Variants in NAA25 observed in about 807,000 individuals in gnomAD.
NAA25 encodes N-alpha-acetyltransferase 25, NatB auxiliary subunit, also known as N-terminal acetyltransferase B complex subunit NAA25.
In NAA25, 30 loss-of-function variants were observed where a neutral mutation model predicts 132.5. The observed-to-expected ratio is 0.23, with a 90% CI of 0.17 to 0.31. The LOEUF is 0.31. Ranked by LOEUF, NAA25 falls within the 10% of genes least tolerant of loss-of-function variation. NAA25 has a pLI of 1.00. For missense variants in NAA25, 771 were observed against 1,150.4 expected, an observed-to-expected ratio of 0.67 and a Z score of 4.77; for synonymous variants, 359 against 401.9, an observed-to-expected ratio of 0.89 and a Z score of 1.28.
At chr12:112,030,550 T>C (rs994746527) in intron 23 of NAA25, among the ~76,000 whole-genome samples, 1 of 152,224 alleles carries the variant, frequency 6.6e-6, no homozygotes, top group Non-Finnish European at 1.5e-5. Context: ...ATATGAGTTA[T>C]TATTTGCTGG....
chr12:112,089,718 T>G (rs2079104230), intron 3 of NAA25, among the ~76,000 whole-genome samples: 1 of 151,940 alleles, frequency 6.6e-6, no homozygotes. Flanking sequence ...GGAGGCCAGG[T>G]GCACTTGGCT....
In NAA25 at chr12:112,029,355, A is replaced by G; in HGVS notation, c.*176T>C. On this transcript the variant is annotated 3_prime_UTR_variant, in exon 24 of 24. Coordinates refer to ENST00000261745, the MANE Select transcript of NAA25 (RefSeq NM_024953.4). ...AGGGTCCCGCTTCTGGTTTATATAC[A>G]ATAATTTAATCAGTTGTATATATTT... 1.0e-6 allele frequency: 1 copy of G among 1,003,068 alleles called. No individual in the cohort carries two copies. Among genetic ancestry groups the G allele is most frequent in the South Asian group, 1.8e-5 (1 of 54,866 alleles). The allele number at this position is 1,003,068 out of a possible 1,614,324, so 62.1% of individuals were successfully genotyped here. A position where few individuals can be genotyped will look rare whatever the true frequency, so the allele number is the denominator to read the frequency against.
rs2078119915 is a variant in NAA25, at chr12:112,029,332, G to C, written c.*199C>G. The C allele has an allele frequency of 1.3e-6, 1 of 758,614 alleles. No individual in the cohort carries two copies. The highest frequency in any genetic ancestry group is 2.0e-6 in the Non-Finnish European group (1 of 500,396). The allele number at this position is 758,614 out of a possible 1,614,324, so 47.0% of individuals were successfully genotyped here. A position where few individuals can be genotyped will look rare whatever the true frequency, so the allele number is the denominator to read the frequency against. On this transcript the variant is annotated 3_prime_UTR_variant, in exon 24 of 24. Transcript: ENST00000261745. ...TAAAAAGTGGTCAAACCCAGATGAGGGTCCCGCTTCTGGTTTATATACAAT... is the reference window on the plus strand; with the variant it reads ...TAAAAAGTGGTCAAACCCAGATGAGCGTCCCGCTTCTGGTTTATATACAAT...
intron 17 of NAA25, among the ~76,000 whole-genome samples, chr12:112,046,512 A>T (rs2078383538): frequency 6.6e-6 from 1 of 152,232 alleles, no homozygotes. Context: ...CCCACAAATC[A>T]CAGAATTTTC....
intron 4 of NAA25, among the ~76,000 whole-genome samples, chr12:112,082,206 C>T (rs1279597877): frequency 6.6e-6 from 1 of 152,092 alleles, no homozygotes; most frequent in Non-Finnish European, 1.5e-5. Context: ...AGAGATCGTG[C>T]CACTGCACTC....
chr12:112,064,295 G>A lies in NAA25; in HGVS notation c.1150-2907C>T, dbSNP rs11066143. The A allele has an allele frequency of 0.056, 8,458 of 152,302 alleles. 1,302 individuals are homozygous for A. In the East Asian group the frequency reaches 0.61, roughly 11 times the overall value. 9.4% of individuals were successfully genotyped at this position (152,302 alleles called of 1,614,324 possible). A position where few individuals can be genotyped will look rare whatever the true frequency, so the allele number is the denominator to read the frequency against. ...GGCTGGAGTGCTGTAGTACAACCTC[G>A]GCTCACTGCAACCTCTGCCTCCCGG... On this transcript the variant is annotated intron_variant, in intron 11 of 23. Transcript: ENST00000261745.
intron 13 of NAA25, among the ~76,000 whole-genome samples, chr12:112,058,617 G>T (rs1268535202): frequency 2.0e-5 from 3 of 152,208 alleles, no homozygotes; most frequent in African/African-American, 7.2e-5. Context: ...CCTGAGGTCT[G>T]AAGGATTTTA....
At position 112,048,293 on chromosome 12, in the gene NAA25, T is replaced by C. The variant is rs149023600; in HGVS notation, c.1879A>G (p.Ile627Val). The change falls in exon 16 of 24, where the codon ATA becomes GTA. Residue 627 changes from isoleucine (I) to valine (V), a missense_variant and splice_region_variant. Physicochemically the swap from Ile to Val is conservative, Grantham distance 29. Coordinates refer to ENST00000261745, the MANE Select transcript of NAA25 (RefSeq NM_024953.4). The part of the protein sequence containing the change: ...MLLDLLLEAN[I>V]STSLAESIKS... Reference sequence around the variant, plus strand: ...TTATAGCTCTCATGCAATACTTACATATTTGCTTCAAGTAGAAGGTCTAAC... The same window carrying C: ...TTATAGCTCTCATGCAATACTTACACATTTGCTTCAAGTAGAAGGTCTAAC... 2.9e-5 allele frequency: 47 copies of C among 1,611,832 alleles called. No individual in the cohort carries two copies. Among genetic ancestry groups the C allele is most frequent in the Non-Finnish European group, 3.5e-5 (41 of 1,178,532 alleles).
chr12:112,052,183 G>C (rs1301820413), intron 15 of NAA25, among the ~76,000 whole-genome samples: 5 of 151,946 alleles, frequency 3.3e-5, no homozygotes, highest in Non-Finnish European at 5.9e-5. Flanking sequence ...GAAAACAGGA[G>C]GGCAAGTACA....
chr12:112,108,741 G>A lies in NAA25; in HGVS notation c.33C>T (p.Asn11=), dbSNP rs1426238034. The change falls in exon 1 of 24, where the codon AAC becomes AAT. Residue 11 remains asparagine, a synonymous_variant. Transcript: ENST00000261745. MATRGHVQDP[N]DRRLRPIYDY... is the part of the protein sequence containing the mutation. The stretch of plus-strand genomic sequence containing the variant: ...CGTAAATGGGCCGGAGGCGCCTGTC[G>A]TTAGGGTCCTGCACATGGCCCCGCG... 1 of 1,530,336 alleles carries A rather than the reference G, an allele frequency of 6.5e-7. No homozygotes were observed. Among genetic ancestry groups the A allele is most frequent in the Admixed American group, 2.0e-5 (1 of 49,918 alleles). The allele number at this position is 1,530,336 out of a possible 1,614,324, so 94.8% of individuals were successfully genotyped here. A position where few individuals can be genotyped will look rare whatever the true frequency, so the allele number is the denominator to read the frequency against.
chr12:112,081,026 C>A (rs368075589), intron 5 of NAA25, 34 bp downstream of exon 5: 3 of 1,554,912 alleles, frequency 1.9e-6, no homozygotes, highest in Non-Finnish European at 2.7e-6. Flanking sequence ...AAAATAAAAC[C>A]AAACCTCAAT....
At chr12:112,086,073 T>TATATATATATACATATACACACACACAC (rs759148501) in intron 4 of NAA25, among the ~76,000 whole-genome samples, 1 of 53,964 alleles carries the variant, frequency 1.9e-5, no homozygotes, top group African/African-American at 1.2e-4. Context: ...TATATATATA[T>TATATATATATACATATACACACACACAC]ACACACACAC....
At chr12:112,079,776 C>T (rs1028537930) in intron 5 of NAA25, among the ~76,000 whole-genome samples, 1 of 152,100 alleles carries the variant, frequency 6.6e-6, no homozygotes, top group African/African-American at 2.4e-5. Context: ...AAAGAGCAAA[C>T]TGAGGCTCAG....
chr12:112,076,490 A>G (rs1240478416), intron 7 of NAA25, among the ~76,000 whole-genome samples: 1 of 152,206 alleles, frequency 6.6e-6, no homozygotes, highest in Non-Finnish European at 1.5e-5. Context: ...GACATGAGCT[A>G]AGAAAGATGA....
intron 2 of NAA25, among the ~76,000 whole-genome samples, chr12:112,091,244 GAA>G (rs754405360): frequency 6.9e-5 from 9 of 131,250 alleles, no homozygotes; most frequent in Admixed American, 1.6e-4. Context: ...ATCCTGTCTC[GAA>G]AAAAAAAAAA....
At chr12:112,065,157 TCAA>T (rs1187641234) in intron 11 of NAA25, among the ~76,000 whole-genome samples, 2 of 151,958 alleles carry the variant, frequency 1.3e-5, no homozygotes, top group African/African-American at 4.8e-5. Context: ...GGCCAAGAGT[TCAA>T]GACCAGCCTG....
At chr12:112,067,684 C>CA (rs1259702693) in intron 11 of NAA25, among the ~76,000 whole-genome samples, 3 of 151,048 alleles carry the variant, frequency 2.0e-5, no homozygotes, top group Admixed American at 6.6e-5. Context: ...GACCCTGTCT[C>CA]AAAAAAAAGA....
At chr12:112,061,601 C>A (rs2078630691) in intron 11 of NAA25, among the ~76,000 whole-genome samples, 1 of 152,138 alleles carries the variant, frequency 6.6e-6, no homozygotes, top group African/African-American at 2.4e-5. Flanking sequence ...GAAACTGGCA[C>A]ACTCATTCAT....
At chr12:112,098,167 G>A (rs1208138918) in intron 1 of NAA25, among the ~76,000 whole-genome samples, 3 of 139,144 alleles carry the variant, frequency 2.2e-5, no homozygotes, top group Admixed American at 7.3e-5. Context: ...AATAGACACA[G>A]AGAAAAGCAG....
Sources: allele counts gnomAD v4.1 joint callset (sites outside exome capture counted in the v4.1 genomes callset), GRCh38; gene constraint gnomAD v4.1.1; transcripts MANE v1.5; gene names NCBI Gene and HGNC (gene_info 2026-07-23, HGNC 2026-07-21).